The following SCD5 variants were observed in gnomAD, a reference collection of about 807,000 sequenced individuals.
SCD5 encodes acyl-CoA-desaturase 4.
Under a neutral mutation model 30.4 loss-of-function variants are expected in SCD5, and 20 were observed. The observed-to-expected ratio is 0.66, with a 90% CI of 0.46 to 0.96. SCD5 has a LOEUF of 0.96. Ranked by LOEUF, SCD5 falls within the 40% of genes least tolerant of loss-of-function variation. The probability of loss-of-function intolerance (pLI) is 0.00; values close to 1 mark genes in which losing one functional copy is unlikely to be tolerated. For missense variants in SCD5, 381 were observed against 443.3 expected (o/e 0.86, Z 1.26); for synonymous variants, 173 against 176.4 (o/e 0.98, Z 0.16).
chr4:82,652,457 A>G (rs1015364903), intron 3 of SCD5, among the ~76,000 whole-genome samples: 1 of 152,234 alleles, frequency 6.6e-6, no homozygotes, highest in Non-Finnish European at 1.5e-5. Flanking sequence ...AGTGTAACTC[A>G]GTAGAAAGAG....
rs1175530847 is a variant in SCD5 at position 82,798,715 on chromosome 4, C to G, written c.-178G>C. The G allele has an allele frequency of 1.7e-6, 1 of 591,942 alleles. No individual in the cohort carries two copies. 36.7% of individuals were successfully genotyped at this position (591,942 alleles called of 1,614,324 possible). The stretch of plus-strand genomic sequence containing the variant: ...GCTCTTCCCCAGGGTCTTAGCGTGG[C>G]CTAGGGATGCAGATCTTGGCGGCCG... On this transcript the variant is annotated 5_prime_UTR_variant, in exon 1 of 5. Coordinates refer to ENST00000319540, the MANE Select transcript of SCD5 (RefSeq NM_001037582.3).
chr4:82,780,352 A>C (rs915363173), intron 1 of SCD5, among the ~76,000 whole-genome samples: 1 of 152,122 alleles, frequency 6.6e-6, no homozygotes, highest in African/African-American at 2.4e-5. Flanking sequence ...ACTGCATTAT[A>C]ACTGGCCTAG....
At chr4:82,747,084 C>T (rs540750124) in intron 1 of SCD5, among the ~76,000 whole-genome samples, 32 of 140,040 alleles carry the variant, frequency 2.3e-4, no homozygotes, top group Admixed American at 1.1e-3. Flanking sequence ...CCAAGAAAGA[C>T]GACCTTCCCA....
chr4:82,679,287 G>GGAAGGAAGGAAAGAAA (rs1560531782), intron 3 of SCD5, among the ~76,000 whole-genome samples: 5 of 126,290 alleles, frequency 4.0e-5, no homozygotes, highest in African/African-American at 1.4e-4. Flanking sequence ...AAAGAAGGAA[G>GGAAGGAAGGAAAGAAA]GAAAGAAAGA....
At chr4:82,699,072 C>T (rs1393502632) in intron 2 of SCD5, among the ~76,000 whole-genome samples, 1 of 152,100 alleles carries the variant, frequency 6.6e-6, no homozygotes, top group African/African-American at 2.4e-5. Flanking sequence ...TCCGCAACCC[C>T]CGGGCCACGG....
intron 2 of SCD5, among the ~76,000 whole-genome samples, chr4:82,693,230 G>A (rs961086764): frequency 2.2e-4 from 33 of 152,290 alleles, no homozygotes; most frequent in African/African-American, 7.0e-4. Flanking sequence ...ACTCAGCTCC[G>A]GTGCCTTTGA....
intron 1 of SCD5, among the ~76,000 whole-genome samples, chr4:82,772,629 CCTCT>C (rs953528257): frequency 1.3e-5 from 2 of 152,072 alleles, no homozygotes; most frequent in Non-Finnish European, 2.9e-5. Flanking sequence ...GATGGCTGGG[CCTCT>C]CTCTCTACTG....
chr4:82,679,886 C>T (rs527922277), intron 3 of SCD5, among the ~76,000 whole-genome samples: 1 of 152,270 alleles, frequency 6.6e-6, no homozygotes, highest in African/African-American at 2.4e-5. Flanking sequence ...TGACTCCTAC[C>T]CATCAGTGGA....
intron 2 of SCD5, among the ~76,000 whole-genome samples, chr4:82,695,353 C>T (rs2148825158): frequency 6.6e-6 from 1 of 151,854 alleles, no homozygotes; most frequent in South Asian, 2.1e-4. Flanking sequence ...AAGACCAGTT[C>T]AGGAGGCTTT....
At chr4:82,733,466 G>C (rs1720685709) in intron 1 of SCD5, among the ~76,000 whole-genome samples, 1 of 152,138 alleles carries the variant, frequency 6.6e-6, no homozygotes, top group Admixed American at 6.5e-5. Context: ...TAATAGCTGT[G>C]CCCACCTACC....
chr4:82,705,322 C>G lies in SCD5; in HGVS notation c.324G>C (p.Leu108=). 6.2e-7 allele frequency: 1 copy of G among 1,614,256 alleles called. No individual in the cohort carries two copies. The highest frequency in any genetic ancestry group is 8.5e-7 in the Non-Finnish European group (1 of 1,180,044). Residue 108 remains leucine, a synonymous_variant, in exon 2 of 5, where the codon CTG becomes CTC. Transcript: ENST00000319540. ...SHRSYRAKLP[L]RIFLAVANSM... ...AGTTGGCGACAGCCAGAAATATCCT[C>G]AGAGGCAGCTTGGCCCGGTAGGACC...
chr4:82,725,615 T>C (rs1720452510), intron 1 of SCD5, among the ~76,000 whole-genome samples: 2 of 151,922 alleles, frequency 1.3e-5, no homozygotes, highest in South Asian at 4.2e-4. Flanking sequence ...ATCCTAGCAC[T>C]CTGGGAAGCT....
At chr4:82,661,108 T>G in intron 3 of SCD5, 1 of 1,597,272 alleles carries the variant, frequency 6.3e-7, no homozygotes, top group Non-Finnish European at 8.6e-7. Flanking sequence ...TGACTGAGAG[T>G]TCCACCCAGG....
intron 2 of SCD5, among the ~76,000 whole-genome samples, chr4:82,689,818 A>T (rs1275811340): frequency 1.3e-5 from 2 of 152,220 alleles, no homozygotes; most frequent in African/African-American, 2.4e-5. Context: ...CATACCTCTA[A>T]TAATGTGACA....
intron 1 of SCD5, among the ~76,000 whole-genome samples, chr4:82,730,604 T>TTG (rs1720617080): frequency 6.8e-6 from 1 of 146,410 alleles, no homozygotes; most frequent in Non-Finnish European, 1.5e-5. Flanking sequence ...TTTTTTTTTT[T>TTG]AGAAGGAGTC....
intron 2 of SCD5, among the ~76,000 whole-genome samples, chr4:82,686,030 G>A (rs1412695787): frequency 6.6e-6 from 1 of 150,888 alleles, no homozygotes; most frequent in African/African-American, 2.4e-5. Context: ...TTTTGAGACA[G>A]GGTCTCTCTC....
intron 3 of SCD5, among the ~76,000 whole-genome samples, chr4:82,661,717 C>A (rs530910628): frequency 6.6e-6 from 1 of 152,314 alleles, no homozygotes; most frequent in South Asian, 2.1e-4. Flanking sequence ...CTCTTTCTAG[C>A]CCAGCATTAA....
At chr4:82,776,018 G>C (rs988369385) in intron 1 of SCD5, 1 of 152,888 alleles carries the variant, frequency 6.5e-6, no homozygotes, top group Admixed American at 6.5e-5. Flanking sequence ...ATCTCATGAA[G>C]GCCGAAAGGA....
chr4:82,730,863 C>T (rs1380370979), intron 1 of SCD5, among the ~76,000 whole-genome samples: 9 of 152,142 alleles, frequency 5.9e-5, no homozygotes, highest in East Asian at 1.9e-4. Flanking sequence ...GGATTACAGG[C>T]GTGAGCCACA....
Sources: gnomAD v4.1 joint callset for allele counts (sites outside exome capture counted in the v4.1 genomes callset) on GRCh38, gnomAD v4.1.1 for gene constraint, MANE v1.5 for transcripts, NCBI Gene and HGNC (gene_info 2026-07-23, HGNC 2026-07-21) for gene names.